The following ZFHX3 variants were observed in gnomAD, a reference collection of about 807,000 sequenced individuals.
ZFHX3 encodes the protein zinc finger homeobox 3, also known as zinc finger homeobox protein 3.
In ZFHX3, 42 loss-of-function variants were observed where a neutral mutation model predicts 279.1. The observed-to-expected ratio is 0.15, with a 90% CI of 0.12 to 0.19. The LOEUF is 0.19. ZFHX3 is among the 10% of genes least tolerant of loss of function. The pLI, the probability that ZFHX3 is intolerant of heterozygous loss-of-function variation, is 1.00. For synonymous variants in ZFHX3, 2,293 were observed against 1,957.8 expected (o/e 1.17, Z -4.52); for missense variants, 4,981 against 4,754.0 (o/e 1.05, Z -1.40).
At chr16:73,280,450 TAAG>T (rs2014427963) in intron 4 of ZFHX3, among the ~76,000 whole-genome samples, 1 of 152,024 alleles carries the variant, frequency 6.6e-6, no homozygotes, top group African/African-American at 2.4e-5. Context: ...GCAAAGGAAC[TAAG>T]TTGACATTTC....
chr16:73,387,395 A>T (rs2143386475), intron 3 of ZFHX3: 1 of 152,296 alleles, frequency 6.6e-6, no homozygotes, highest in Non-Finnish European at 1.5e-5. Flanking sequence ...AAAATCAGAC[A>T]TTAGGCTTCT....
chr16:73,427,783 A>G (rs1468358748), intron 3 of ZFHX3, among the ~76,000 whole-genome samples: 1 of 152,002 alleles, frequency 6.6e-6, no homozygotes, highest in Non-Finnish European at 1.5e-5. Flanking sequence ...AAAAAAAAAA[A>G]AATACAAAAA....
intron 1 of ZFHX3, among the ~76,000 whole-genome samples, chr16:73,784,353 C>A (rs1207162190): frequency 6.6e-6 from 1 of 151,910 alleles, no homozygotes. Context: ...GTGCCTGACA[C>A]CTAGAAAGCA....
chr16:73,672,672 A>G (rs13330597), intron 2 of ZFHX3, among the ~76,000 whole-genome samples: 8,917 of 152,188 alleles, frequency 0.059, 886 homozygotes, highest in African/African-American at 0.2. Flanking sequence ...GAGAATAATA[A>G]AAAGAGAAGG....
chr16:73,778,236 TAAAAA>T (rs10654824), intron 1 of ZFHX3, among the ~76,000 whole-genome samples: 613 of 58,688 alleles, frequency 0.01, 10 homozygotes, highest in African/African-American at 0.046. Context: ...GAAGGAGTGT[TAAAAA>T]AAAAAAAAAA....
At chr16:73,339,246 T>C (rs566447223) in intron 3 of ZFHX3, among the ~76,000 whole-genome samples, 1 of 152,136 alleles carries the variant, frequency 6.6e-6, no homozygotes, top group Non-Finnish European at 1.5e-5. Context: ...CAAAGCACTG[T>C]GCAACTTTTT....
intron 3 of ZFHX3, among the ~76,000 whole-genome samples, chr16:73,357,743 G>C (rs2016368063): frequency 6.6e-6 from 1 of 152,120 alleles, no homozygotes. Flanking sequence ...TGTGTCGGGA[G>C]GTGTGTAGTT....
intron 1 of ZFHX3, among the ~76,000 whole-genome samples, chr16:73,018,915 G>A (rs1964199266): frequency 6.6e-6 from 1 of 152,060 alleles, no homozygotes; most frequent in African/African-American, 2.4e-5. Flanking sequence ...CTAGTGTTGG[G>A]GCTCAAGCTT....
chr16:72,982,466 C>T (rs1169169947), intron 1 of ZFHX3, among the ~76,000 whole-genome samples: 4 of 152,274 alleles, frequency 2.6e-5, no homozygotes, highest in Admixed American at 2.6e-4. Flanking sequence ...AAGACAGAAA[C>T]CTACCTGCTG....
intron 5 of ZFHX3, among the ~76,000 whole-genome samples, chr16:73,239,112 G>A (rs940786272): frequency 4.6e-5 from 7 of 152,098 alleles, no homozygotes; most frequent in Non-Finnish European, 8.8e-5. Context: ...AATAAACTGG[G>A]TGCTTAATAA....
intron 8 of ZFHX3, among the ~76,000 whole-genome samples, chr16:73,081,956 C>T (rs950355195): frequency 3.8e-4 from 57 of 151,822 alleles, no homozygotes; most frequent in African/African-American, 1.2e-3. Flanking sequence ...CCTGCCTCAG[C>T]CTCCTGGGTA....
At chr16:73,574,665 C>G (rs1297320119) in intron 2 of ZFHX3, among the ~76,000 whole-genome samples, 1 of 152,180 alleles carries the variant, frequency 6.6e-6, no homozygotes, top group Non-Finnish European at 1.5e-5. Context: ...CATCCCTCTG[C>G]ATGGATTTCT....
At chr16:73,890,933 A>AT (rs1442101392) in intron 1 of ZFHX3, among the ~76,000 whole-genome samples, 13 of 151,322 alleles carry the variant, frequency 8.6e-5, no homozygotes, top group Non-Finnish European at 1.0e-4. Flanking sequence ...ACATCAATCA[A>AT]CTGTGTGGTG....
intron 1 of ZFHX3, among the ~76,000 whole-genome samples, chr16:73,002,429 T>C (rs1469252484): frequency 6.6e-6 from 1 of 152,130 alleles, no homozygotes; most frequent in African/African-American, 2.4e-5. Flanking sequence ...CCTTGGTTAA[T>C]ACCAGAATCG....
At position 72,907,095 on chromosome 16, in the gene ZFHX3, C is replaced by T. The variant is rs1475453420; in HGVS notation, c.3217-17133G>A. On this transcript the variant is annotated intron_variant, in intron 3 of 9. Coordinates refer to ENST00000268489, the MANE Select transcript of ZFHX3 (RefSeq NM_006885.4). Reference sequence around the variant, plus strand: ...GGCAAGTGATGTCTTTTTGGAATCTCAAATCCAGTAGCCTGCTCTGCTAGC... The same window carrying T: ...GGCAAGTGATGTCTTTTTGGAATCTTAAATCCAGTAGCCTGCTCTGCTAGC... Among the ~76,000 whole-genome samples the T allele has an allele frequency of 2.0e-5, 3 of 152,214 alleles. No individual in the cohort carries two copies. In the South Asian group the frequency reaches 6.2e-4, roughly 32 times the overall value.
intron 1 of ZFHX3, among the ~76,000 whole-genome samples, chr16:73,810,960 G>A (rs1265552739): frequency 6.6e-6 from 1 of 151,826 alleles, no homozygotes; most frequent in African/African-American, 2.4e-5. Context: ...CTTTCTCTGG[G>A]CCTCTTGCCT....
intron 4 of ZFHX3, among the ~76,000 whole-genome samples, chr16:72,871,944 G>T (rs1269119895): frequency 6.6e-6 from 1 of 152,070 alleles, no homozygotes; most frequent in Non-Finnish European, 1.5e-5. Flanking sequence ...AATTAGCCAG[G>T]CGTGCTGGTG....
chr16:73,234,549 G>A (rs936787983), intron 5 of ZFHX3, among the ~76,000 whole-genome samples: 2 of 152,202 alleles, frequency 1.3e-5, no homozygotes, highest in African/African-American at 4.8e-5. Context: ...CCAGGCGGGC[G>A]GGGATTGCTT....
At chr16:73,149,655 C>T (rs1468934424) in intron 5 of ZFHX3, among the ~76,000 whole-genome samples, 3 of 152,190 alleles carry the variant, frequency 2.0e-5, no homozygotes, top group East Asian at 1.9e-4. Flanking sequence ...CCTACTACTC[C>T]GTCTCTGACT....
Sources: allele counts gnomAD v4.1 joint callset (sites outside exome capture counted in the v4.1 genomes callset), GRCh38; gene constraint gnomAD v4.1.1; transcripts MANE v1.5; gene names NCBI Gene and HGNC (gene_info 2026-07-23, HGNC 2026-07-21).